Variants in PTPRG observed in about 807,000 individuals in gnomAD.
PTPRG encodes the protein receptor-type tyrosine-protein phosphatase gamma.
In PTPRG, 102 loss-of-function variants were observed where a neutral mutation model predicts 165.3. The ratio of observed to expected loss-of-function variants is 0.62; its 90% CI spans 0.53 to 0.73. The LOEUF (loss-of-function observed/expected upper bound fraction) is 0.73. Among genes scored for constraint, PTPRG ranks in the 30% least tolerant of loss-of-function variants. The pLI, the probability that PTPRG is intolerant of heterozygous loss-of-function variation, is 0.00. For synonymous variants in PTPRG, 675 were observed against 669.5 expected, an observed-to-expected ratio of 1.01 and a Z score of -0.13; for missense variants, 1,866 against 1,861.4, an observed-to-expected ratio of 1.00 and a Z score of -0.05.
At chr3:62,124,065 C>CTTT in intron 5 of PTPRG, 1 of 464,864 alleles carries the variant, frequency 2.2e-6, no homozygotes, top group Non-Finnish European at 3.8e-6. Flanking sequence ...TTTTCCTTCC[C>CTTT]TTTTTTTTTT....
intron 1 of PTPRG, among the ~76,000 whole-genome samples, chr3:61,721,564 A>G (rs1227314655): frequency 6.6e-6 from 1 of 152,218 alleles, no homozygotes; most frequent in Non-Finnish European, 1.5e-5. Flanking sequence ...ATTATACAAT[A>G]ATTTAACAAG....
Position 62,233,992 on chromosome 3 carries a change from G to C in PTPRG, c.2375+2681G>C, listed in dbSNP as rs1037291183. On this transcript the variant is annotated intron_variant, in intron 14 of 29. Coordinates refer to ENST00000474889, the MANE Select transcript of PTPRG (RefSeq NM_002841.4). The surrounding 1 kb of genome is among the most constrained non-coding windows in gnomAD (Gnocchi z 4.7). ...CTCCCTACCTCCTCACAAATAGGTA[G>C]CCCCTATTGCTAGTTTGTTGTCTAT... 1.3e-5 allele frequency among the ~76,000 whole-genome samples: 2 copies of C among 152,104 alleles called. No individual in the cohort carries two copies. The highest frequency in any genetic ancestry group is 2.9e-5 in the Non-Finnish European group (2 of 68,026).
intron 2 of PTPRG, among the ~76,000 whole-genome samples, chr3:61,821,146 C>CAGTTCTCATTT (rs1274152970): frequency 6.6e-6 from 1 of 151,874 alleles, no homozygotes; most frequent in Non-Finnish European, 1.5e-5. Context: ...TAGTTATGAT[C>CAGTTCTCATTT]AGTTCTCATT....
intron 2 of PTPRG, among the ~76,000 whole-genome samples, chr3:61,868,223 G>A (rs965162754): frequency 6.6e-6 from 1 of 152,114 alleles, no homozygotes; most frequent in Non-Finnish European, 1.5e-5. Flanking sequence ...CTATGCAGTG[G>A]ACCCTGTTAG....
Position 62,101,080 on chromosome 3 carries a change from G to T in PTPRG, c.615+22822G>T, listed in dbSNP as rs76046868. 5.3e-4 allele frequency among the ~76,000 whole-genome samples: 80 copies of T among 152,268 alleles called. No individual in the cohort carries two copies. In the East Asian group the frequency reaches 0.015, roughly 29 times the overall value. ...ATTTGTTAATAATAAATGATTGAGG[G>T]TTTGCTTCAGCATAATTGGAGGAGT... On this transcript the variant is annotated intron_variant, in intron 5 of 29. Transcript: ENST00000474889.
chr3:62,287,273 T>C (rs1702700555), intron 28 of PTPRG, among the ~76,000 whole-genome samples: 2 of 151,472 alleles, frequency 1.3e-5, no homozygotes, highest in South Asian at 4.2e-4. Context: ...TACAAATGAC[T>C]TTTTTTTAAT....
intron 2 of PTPRG, among the ~76,000 whole-genome samples, chr3:61,865,125 C>G (rs2037369719): frequency 6.6e-6 from 1 of 152,044 alleles, no homozygotes; most frequent in African/African-American, 2.4e-5. Flanking sequence ...TATTTTTGTC[C>G]AGGAGCAAAC....
At chr3:62,058,818 C>G (rs1238359095) in intron 4 of PTPRG, among the ~76,000 whole-genome samples, 1 of 152,116 alleles carries the variant, frequency 6.6e-6, no homozygotes, top group Non-Finnish European at 1.5e-5. Flanking sequence ...GAAAACAGAG[C>G]CCCAGTGATC....
In PTPRG at chr3:62,145,183, C is replaced by T. The variant is rs1418838657; in HGVS notation, c.683-11884C>T. On this transcript the variant is annotated intron_variant, in intron 6 of 29. Coordinates refer to ENST00000474889, the MANE Select transcript of PTPRG (RefSeq NM_002841.4). ...GTTTGAAATCCAGTTCTGCCTTTGA[C>T]TAGTCGTACAACCTGAACAAACCAC... Among the ~76,000 whole-genome samples, 3 of 152,164 alleles carry T rather than the reference C, an allele frequency of 2.0e-5. No homozygotes were observed. The East Asian group carries it at 5.8e-4, about 29-fold the overall frequency.
intron 1 of PTPRG, among the ~76,000 whole-genome samples, chr3:61,734,014 T>A (rs2032623629): frequency 6.6e-6 from 1 of 152,162 alleles, no homozygotes; most frequent in South Asian, 2.1e-4. Context: ...CAAGCTGAGC[T>A]CAAGTGATCC....
rs143563360 is a variant in PTPRG at position 62,039,896 on chromosome 3, C to T, written c.519+36399C>T. 6.1e-3 allele frequency among the ~76,000 whole-genome samples: 923 copies of T among 152,292 alleles called. 9 individuals are homozygous for T. The highest frequency in any genetic ancestry group is 0.021 in the African/African-American group (871 of 41,560). ...GTATGTTTAATAAAAAATATCTTCT[C>T]AGCCTCCAAGTGACTCTCTGTTAAA... On this transcript the variant is annotated intron_variant, in intron 4 of 29. Transcript: ENST00000474889.
chr3:61,639,995 T>G (rs907167853), intron 1 of PTPRG, among the ~76,000 whole-genome samples: 1 of 152,202 alleles, frequency 6.6e-6, no homozygotes, highest in African/African-American at 2.4e-5. Context: ...TTTCATTCAA[T>G]AAAAACTCAA....
chr3:62,085,076 T>G (rs1473016820), intron 5 of PTPRG, among the ~76,000 whole-genome samples: 1 of 152,208 alleles, frequency 6.6e-6, no homozygotes, highest in Admixed American at 6.5e-5. Flanking sequence ...TGTGTCTTGT[T>G]CCTCTTCTTT....
At chr3:61,629,919 G>T (rs912148057) in intron 1 of PTPRG, among the ~76,000 whole-genome samples, 14 of 152,234 alleles carry the variant, frequency 9.2e-5, no homozygotes, top group Admixed American at 2.0e-4. Flanking sequence ...GGGCTACCAT[G>T]CCAGAAATGA....
Position 62,297,233 on chromosome 3 carries a change from C to T in PTPRG, c.*3926C>T, listed in dbSNP as rs1324200844. The T allele has an allele frequency of 1.3e-5, 2 of 151,194 alleles. No individual in the cohort carries two copies. The highest frequency in any genetic ancestry group is 4.9e-5 in the African/African-American group (2 of 41,196). The allele number at this position is 151,194 out of a possible 1,614,324, so 9.4% of individuals were successfully genotyped here. On this transcript the variant is annotated 3_prime_UTR_variant, in exon 30 of 30. Coordinates refer to ENST00000474889, the MANE Select transcript of PTPRG (RefSeq NM_002841.4). ...TTCAACTCCGTCATAGTTTTTTTTC[C>T]TTTTTGTGGTGGATATGTGAATTCA...
At chr3:61,719,527 T>C (rs1402069069) in intron 1 of PTPRG, among the ~76,000 whole-genome samples, 2 of 152,134 alleles carry the variant, frequency 1.3e-5, no homozygotes, top group African/African-American at 4.8e-5. Context: ...GGTGGTGTCT[T>C]TGTCAGCAGG....
At chr3:62,241,761 A>G (rs1432617753) in intron 14 of PTPRG, among the ~76,000 whole-genome samples, 1 of 152,176 alleles carries the variant, frequency 6.6e-6, no homozygotes, top group Non-Finnish European at 1.5e-5. Context: ...AGCCATAATA[A>G]TTATGGTCTT....
intron 27 of PTPRG, among the ~76,000 whole-genome samples, chr3:62,281,911 T>A (rs1454766579): frequency 6.6e-6 from 1 of 152,034 alleles, no homozygotes; most frequent in Non-Finnish European, 1.5e-5. Context: ...ACAGTTCCTC[T>A]GATTCAGCAT....
chr3:61,838,630 T>C (rs1368286302), intron 2 of PTPRG, among the ~76,000 whole-genome samples: 3 of 152,212 alleles, frequency 2.0e-5, no homozygotes, highest in Non-Finnish European at 4.4e-5. Flanking sequence ...TTTGGACCTT[T>C]TGAACGAAAT....
Sources: gnomAD v4.1 joint callset for allele counts (sites outside exome capture counted in the v4.1 genomes callset) on GRCh38, gnomAD v4.1.1 for gene constraint, Gnocchi (gnomAD v3.1) non-coding constraint, MANE v1.5 for transcripts, NCBI Gene and HGNC (gene_info 2026-07-23, HGNC 2026-07-21) for gene names.